NKAIN2: variants seen among roughly 807,000 people sequenced by gnomAD.
The protein encoded by NKAIN2 is sodium/potassium-transporting ATPase subunit beta-1-interacting protein 2.
NKAIN2 carries 14 observed loss-of-function variants against 32.6 expected under a neutral mutation model. That is an observed-to-expected ratio of 0.43 (90% CI 0.28 to 0.67). The LOEUF (loss-of-function observed/expected upper bound fraction) is 0.67. NKAIN2 is among the 30% of genes least tolerant of loss of function. The pLI is 0.17. For synonymous variants in NKAIN2, 80 were observed against 87.2 expected, an observed-to-expected ratio of 0.92 and a Z score of 0.46; for missense variants, 198 against 258.3, an observed-to-expected ratio of 0.77 and a Z score of 1.60.
intron 4 of NKAIN2, among the ~76,000 whole-genome samples, chr6:124,733,512 A>T (rs1167575606): frequency 6.6e-6 from 1 of 151,924 alleles, no homozygotes; most frequent in African/African-American, 2.4e-5. Flanking sequence ...ACTGTACTCT[A>T]GTTGATAAGT....
intron 2 of NKAIN2, among the ~76,000 whole-genome samples, chr6:124,317,529 G>A (rs930775288): frequency 1.3e-5 from 2 of 151,978 alleles, no homozygotes; most frequent in African/African-American, 4.8e-5. Flanking sequence ...TCATTGTTTT[G>A]AACACATAAG....
At chr6:124,381,215 T>A (rs1463975489) in intron 3 of NKAIN2, among the ~76,000 whole-genome samples, 2 of 152,216 alleles carry the variant, frequency 1.3e-5, no homozygotes, top group East Asian at 1.9e-4. Flanking sequence ...AAAATTTGTT[T>A]GAAAATATGT....
At chr6:124,474,935 G>A (rs1211636447) in intron 3 of NKAIN2, among the ~76,000 whole-genome samples, 1 of 125,684 alleles carries the variant, frequency 8.0e-6, no homozygotes, top group African/African-American at 2.7e-5. Context: ...CATTATATAG[G>A]TATATATCAT....
intron 1 of NKAIN2, among the ~76,000 whole-genome samples, chr6:124,273,455 G>A (rs141341677): frequency 1.3e-5 from 2 of 152,154 alleles, no homozygotes; most frequent in African/African-American, 2.4e-5. Flanking sequence ...AGAATTGTGA[G>A]TTAATTAAAC....
intron 2 of NKAIN2, among the ~76,000 whole-genome samples, chr6:124,322,988 T>A (rs1797257759): frequency 6.6e-6 from 1 of 152,236 alleles, no homozygotes; most frequent in Admixed American, 6.5e-5. Context: ...TGTAGTGATA[T>A]CTCATTGTAG....
At chr6:124,204,211 T>C (rs971515122) in intron 1 of NKAIN2, among the ~76,000 whole-genome samples, 1 of 151,872 alleles carries the variant, frequency 6.6e-6, no homozygotes, top group Non-Finnish European at 1.5e-5. Flanking sequence ...AAATGAGACA[T>C]AAGACTAAAA....
chr6:123,923,646 A>G lies in NKAIN2; in HGVS notation c.54+119392A>G, dbSNP rs144713677. 4.3e-3 allele frequency among the ~76,000 whole-genome samples: 658 copies of G among 151,784 alleles called. 5 individuals carry two copies. The highest frequency in any genetic ancestry group is 0.015 in the African/African-American group (628 of 41,410). ...ATGAGTTCATGTCCTTTGTAGGGAC[A>G]TGGATGAAATTGGAAACCATTATTC... is the stretch of plus-strand genomic sequence containing the variant. On this transcript the variant is annotated intron_variant, in intron 1 of 6. Transcript: ENST00000368417.
intron 3 of NKAIN2, among the ~76,000 whole-genome samples, chr6:124,528,526 A>G (rs2114814843): frequency 6.6e-6 from 1 of 152,314 alleles, no homozygotes; most frequent in South Asian, 2.1e-4. Flanking sequence ...TTGTTCTACA[A>G]AAAACTAGCT....
intron 3 of NKAIN2, among the ~76,000 whole-genome samples, chr6:124,410,991 C>G (rs1774144900): frequency 6.6e-6 from 1 of 151,922 alleles, no homozygotes; most frequent in South Asian, 2.1e-4. Flanking sequence ...TTATCAGAGA[C>G]TAGGATTGCA....
chr6:124,408,526 T>G (rs1462150781), intron 3 of NKAIN2, among the ~76,000 whole-genome samples: 1 of 152,228 alleles, frequency 6.6e-6, no homozygotes, highest in Non-Finnish European at 1.5e-5. Flanking sequence ...GCATTATTTC[T>G]GAGGGCTCTG....
chr6:124,034,039 C>T (rs980493276), intron 1 of NKAIN2, among the ~76,000 whole-genome samples: 2 of 152,002 alleles, frequency 1.3e-5, no homozygotes, highest in South Asian at 4.1e-4. Context: ...ATTACTGAGC[C>T]TGTATCATAT....
chr6:124,562,884 A>G (rs1780748805), intron 3 of NKAIN2, among the ~76,000 whole-genome samples: 1 of 151,804 alleles, frequency 6.6e-6, no homozygotes, highest in Non-Finnish European at 1.5e-5. Flanking sequence ...AGGAAAATGA[A>G]ATGTTAGTAT....
At chr6:123,813,116 T>G (rs978808102) in intron 1 of NKAIN2, among the ~76,000 whole-genome samples, 1 of 152,166 alleles carries the variant, frequency 6.6e-6, no homozygotes, top group African/African-American at 2.4e-5. Context: ...TGTATTATAG[T>G]CTCTGACACC....
intron 4 of NKAIN2, among the ~76,000 whole-genome samples, chr6:124,729,265 T>G (rs1776520604): frequency 6.7e-6 from 1 of 149,958 alleles, no homozygotes; most frequent in African/African-American, 2.4e-5. Context: ...AAAAAGAGAA[T>G]TTTAGACCAA....
chr6:124,359,601 G>C (rs968649214), intron 3 of NKAIN2, among the ~76,000 whole-genome samples: 5 of 152,118 alleles, frequency 3.3e-5, no homozygotes, highest in African/African-American at 9.7e-5. Flanking sequence ...AAGAATGCTT[G>C]TGATTTTTGC....
intron 1 of NKAIN2, among the ~76,000 whole-genome samples, chr6:123,882,861 G>T (rs1773513443): frequency 6.6e-6 from 1 of 152,138 alleles, no homozygotes; most frequent in African/African-American, 2.4e-5. Flanking sequence ...AGATGTAGTT[G>T]GTTCCACATA....
chr6:124,457,390 T>C lies in NKAIN2; in HGVS notation c.273+102043T>C, dbSNP rs190701872. ...GTAGTGGTATGTGTGTGAGAGAGTT[T>C]TGTTTTGCTTCTCACTGTAAGCCTT... On this transcript the variant is annotated intron_variant, in intron 3 of 6. Coordinates refer to ENST00000368417, the MANE Select transcript of NKAIN2 (RefSeq NM_001040214.3). 1.5e-3 allele frequency among the ~76,000 whole-genome samples: 234 copies of C among 152,086 alleles called. 2 individuals are homozygous for C. The highest frequency in any genetic ancestry group is 5.2e-4 in the Non-Finnish European group (35 of 67,930).
At chr6:124,077,348 A>T (rs1222849857) in intron 1 of NKAIN2, among the ~76,000 whole-genome samples, 1 of 152,026 alleles carries the variant, frequency 6.6e-6, no homozygotes, top group Non-Finnish European at 1.5e-5. Flanking sequence ...CCGTTTTCTC[A>T]CTCTTCTAAT....
At chr6:124,653,674 T>G (rs934138215) in intron 3 of NKAIN2, among the ~76,000 whole-genome samples, 5 of 152,044 alleles carry the variant, frequency 3.3e-5, no homozygotes, top group Non-Finnish European at 5.9e-5. Context: ...AGTTAAAATT[T>G]AAAAACTTCT....
Sources: allele counts gnomAD v4.1 joint callset (sites outside exome capture counted in the v4.1 genomes callset), GRCh38; gene constraint gnomAD v4.1.1; transcripts MANE v1.5; gene names NCBI Gene and HGNC (gene_info 2026-07-23, HGNC 2026-07-21).